The following TRPM3 variants were observed in gnomAD, a reference collection of about 807,000 sequenced individuals.
TRPM3 encodes the protein long transient receptor potential channel 3.
A neutral mutation model predicts 181.2 loss-of-function variants in TRPM3; 77 were observed. The observed-to-expected ratio is 0.42, with a 90% CI of 0.35 to 0.51. The LOEUF (loss-of-function observed/expected upper bound fraction) is 0.51. TRPM3 is among the 20% of genes least tolerant of loss of function. TRPM3 has a pLI of 0.01. For synonymous variants in TRPM3, 745 were observed against 796.4 expected, an observed-to-expected ratio of 0.94 and a Z score of 1.09; for missense variants, 1,759 against 2,196.7, an observed-to-expected ratio of 0.80 and a Z score of 3.98.
At chr9:71,301,069 C>G (rs1441049143) in intron 1 of TRPM3, among the ~76,000 whole-genome samples, 1 of 151,376 alleles carries the variant, frequency 6.6e-6, no homozygotes, top group Non-Finnish European at 1.5e-5. Context: ...CTTCCTATGT[C>G]TATGCCATTT....
chr9:71,203,793 T>A (rs748963260), intron 1 of TRPM3, among the ~76,000 whole-genome samples: 1 of 152,138 alleles, frequency 6.6e-6, no homozygotes. Flanking sequence ...TTCTTCCTCC[T>A]TTTCTTCCTC....
At position 71,371,701 on chromosome 9, in the gene TRPM3, C is replaced by T. The variant is rs182294141; in HGVS notation, c.183+74952G>A. On this transcript the variant is annotated intron_variant, in intron 1 of 24. Coordinates refer to the TRPM3 transcript ENST00000357533. ...ATAAACTTAGTTGGTAAAGCAGAGG[C>T]AGGGTTTAAGAGGATTGACTGATTT... Among the ~76,000 whole-genome samples the T allele has an allele frequency of 1.1e-3, 170 of 152,242 alleles. 1 individual carries two copies. The highest frequency in any genetic ancestry group is 6.8e-3 in the Middle Eastern group (2 of 294).
Position 71,162,000 on chromosome 9 carries a change from G to A in TRPM3, c.183+284653C>T, listed in dbSNP as rs186782276. ...GCTGATCACCTGAGGTCATGAGTTCGAGACCAGCCTGGCCAACATGGTGAA... is the reference window on the plus strand; with the variant it reads ...GCTGATCACCTGAGGTCATGAGTTCAAGACCAGCCTGGCCAACATGGTGAA... On this transcript the variant is annotated intron_variant, in intron 1 of 24. Coordinates refer to the TRPM3 transcript ENST00000357533. 7.7e-3 allele frequency among the ~76,000 whole-genome samples: 1,168 copies of A among 151,834 alleles called. 12 individuals are homozygous for A. Among genetic ancestry groups the A allele is most frequent in the Admixed American group, 0.022 (340 of 15,236 alleles).
At chr9:71,152,643 T>TA (rs2075792667) in intron 1 of TRPM3, among the ~76,000 whole-genome samples, 1 of 152,194 alleles carries the variant, frequency 6.6e-6, no homozygotes, top group East Asian at 1.9e-4. Flanking sequence ...TTCCTAGCCT[T>TA]ACTGCTGCCT....
At chr9:70,886,364 G>A (rs2096082349) in intron 1 of TRPM3, among the ~76,000 whole-genome samples, 1 of 152,302 alleles carries the variant, frequency 6.6e-6, no homozygotes, top group East Asian at 1.9e-4. Context: ...TAGGTTTTAG[G>A]AGATGCTCTA....
At chr9:71,198,442 A>G (rs2078541686) in intron 1 of TRPM3, among the ~76,000 whole-genome samples, 1 of 152,148 alleles carries the variant, frequency 6.6e-6, no homozygotes. Flanking sequence ...GATGGCATTA[A>G]ATCTATAAAT....
chr9:71,446,938 C>G (rs528104312), upstream of TRPM3: 7 of 1,232,654 alleles, frequency 5.7e-6, no homozygotes, highest in African/African-American at 1.6e-5. Flanking sequence ...TCTCGGTTGG[C>G]GCTGCCTTTG....
At chr9:70,837,679 A>C (rs1018289499) in intron 5 of TRPM3, among the ~76,000 whole-genome samples, 1 of 152,148 alleles carries the variant, frequency 6.6e-6, no homozygotes, top group Non-Finnish European at 1.5e-5. Context: ...TGAAAATTAT[A>C]TTTCACTGGA....
intron 1 of TRPM3, among the ~76,000 whole-genome samples, chr9:71,191,634 C>G (rs1213780958): frequency 1.3e-5 from 2 of 151,754 alleles, no homozygotes; most frequent in Non-Finnish European, 2.9e-5. Context: ...CTGTCCTATA[C>G]TCCCCTGCAA....
At chr9:70,892,645 A>C (rs1476647926) in intron 1 of TRPM3, among the ~76,000 whole-genome samples, 2 of 151,226 alleles carry the variant, frequency 1.3e-5, no homozygotes, top group Non-Finnish European at 2.9e-5. Flanking sequence ...ATCTGCAAGC[A>C]TTTATGAGAA....
intron 1 of TRPM3, among the ~76,000 whole-genome samples, chr9:71,205,230 T>G (rs993650965): frequency 7.8e-6 from 1 of 128,246 alleles, no homozygotes; most frequent in African/African-American, 3.1e-5. Context: ...TGCACGAATG[T>G]TTAAGCAAAT....
At chr9:70,858,598 G>C (rs771112414) in intron 3 of TRPM3, among the ~76,000 whole-genome samples, 18 of 152,078 alleles carry the variant, frequency 1.2e-4, no homozygotes, top group Non-Finnish European at 2.2e-4. Context: ...GTAGTAATAA[G>C]AAGGTAAATT....
intron 1 of TRPM3, among the ~76,000 whole-genome samples, chr9:71,265,701 T>C (rs762891023): frequency 9.2e-5 from 14 of 152,344 alleles, no homozygotes; most frequent in Admixed American, 2.0e-4. Flanking sequence ...ATTATAAGTG[T>C]TGAGCAGCAA....
chr9:70,601,293 G>A (rs553516995), intron 20 of TRPM3, among the ~76,000 whole-genome samples: 1 of 152,256 alleles, frequency 6.6e-6, no homozygotes, highest in Admixed American at 6.5e-5. Context: ...AGGGATTACC[G>A]GGGCTTGCTT....
chr9:71,223,832 A>G lies in TRPM3; in HGVS notation c.183+222821T>C, dbSNP rs2080400376. 2.0e-5 allele frequency among the ~76,000 whole-genome samples: 3 copies of G among 152,264 alleles called. No individual in the cohort carries two copies. In the South Asian group the frequency reaches 6.2e-4, roughly 32 times the overall value. ...GAAAGGAGAAGAAAGAATGGGAAAG[A>G]TTTTGTCTTGTGGTTTCAGTGCTAG... On this transcript the variant is annotated intron_variant, in intron 1 of 24. Coordinates refer to the TRPM3 transcript ENST00000357533.
intron 1 of TRPM3, among the ~76,000 whole-genome samples, chr9:70,986,534 C>T (rs1373340634): frequency 2.0e-5 from 3 of 152,254 alleles, no homozygotes; most frequent in African/African-American, 7.2e-5. Context: ...GTCAAGCAGA[C>T]AGTTCCCATG....
At chr9:70,659,249 TG>T (rs2060784323) in intron 9 of TRPM3, among the ~76,000 whole-genome samples, 1 of 152,104 alleles carries the variant, frequency 6.6e-6, no homozygotes, top group Non-Finnish European at 1.5e-5. Context: ...AAAAGCCCCT[TG>T]GGAAAACTGG....
At chr9:71,365,833 C>A (rs2092317682) in intron 1 of TRPM3, among the ~76,000 whole-genome samples, 1 of 152,042 alleles carries the variant, frequency 6.6e-6, no homozygotes, top group Non-Finnish European at 1.5e-5. Flanking sequence ...CAGAGGCAAA[C>A]AAAATGAAGT....
intron 1 of TRPM3, among the ~76,000 whole-genome samples, chr9:70,914,493 T>A (rs1167316454): frequency 6.6e-6 from 1 of 152,154 alleles, no homozygotes; most frequent in Non-Finnish European, 1.5e-5. Flanking sequence ...CAAAAGAAAA[T>A]CCCTGCAGTG....
Sources: gnomAD v4.1 joint callset for allele counts (sites outside exome capture counted in the v4.1 genomes callset) on GRCh38, gnomAD v4.1.1 for gene constraint, MANE v1.5 for transcripts, NCBI Gene and HGNC (gene_info 2026-07-23, HGNC 2026-07-21) for gene names.